The following TAGAP variants were observed in gnomAD, a reference collection of about 807,000 sequenced individuals.
TAGAP encodes T-cell activation Rho GTPase-activating protein.
TAGAP carries 16 observed loss-of-function variants against 36.0 expected under a neutral mutation model. The observed-to-expected ratio is 0.44, with a 90% CI of 0.30 to 0.68. TAGAP has a LOEUF of 0.68. Among genes scored for constraint, TAGAP ranks in the 30% least tolerant of loss-of-function variants. The probability of loss-of-function intolerance (pLI) is 0.09; values close to 1 mark genes in which losing one functional copy is unlikely to be tolerated. For synonymous variants in TAGAP, 372 were observed against 377.4 expected, an observed-to-expected ratio of 0.99 and a Z score of 0.17; for missense variants, 794 against 921.5, an observed-to-expected ratio of 0.86 and a Z score of 1.79.
rs1273861667 is a variant in TAGAP, at chr6:159,039,169, G to A, written c.728C>T (p.Thr243Ile). ...LAICIGPNMLTLENDQSLSFE... is the reference protein window; with the variant it reads ...LAICIGPNMLILENDQSLSFE... ...TGACAGGCTCTGGTCATTCTCCAGG[G>A]TGAGCATGTTGGGTCCAATGCAGAT... Residue 243 changes from threonine (T) to isoleucine (I), a missense_variant, in exon 8 of 10, where the codon ACC becomes ATC. Coordinates refer to ENST00000367066, the MANE Select transcript of TAGAP (RefSeq NM_054114.5). The A allele has an allele frequency of 1.9e-6, 3 of 1,614,042 alleles. No individual in the cohort carries two copies. The highest frequency in any genetic ancestry group is 1.6e-4 in the Middle Eastern group (1 of 6,084).
Position 159,041,956 on chromosome 6 carries a change from G to C in TAGAP, c.315+122C>G. ...GCGTATGTGGGAGTGCCATGTTGAA[G>C]AGTGGAAAATATGGAAGATCAGTCC... is the stretch of plus-strand genomic sequence containing the variant. On this transcript the variant is annotated intron_variant, in intron 5 of 9. Coordinates refer to ENST00000367066, the MANE Select transcript of TAGAP (RefSeq NM_054114.5). This position sits in a 1 kb window ranked among gnomAD's most constrained non-coding sequence, Gnocchi z 4.1. 1 of 1,107,138 alleles carries C rather than the reference G, an allele frequency of 9.0e-7. No individual in the cohort carries two copies. Among genetic ancestry groups the C allele is most frequent in the Non-Finnish European group, 1.3e-6 (1 of 764,586 alleles). 68.6% of individuals were successfully genotyped at this position (1,107,138 alleles called of 1,614,324 possible).
At chr6:159,042,936 A>G (rs1278038135) in intron 4 of TAGAP, 1 of 152,626 alleles carries the variant, frequency 6.6e-6, no homozygotes, top group Non-Finnish European at 1.5e-5. Flanking sequence ...TCCTTCTGAA[A>G]TCCACAAGAT....
At position 159,037,993 on chromosome 6, in the gene TAGAP, GT is replaced by G. The variant is rs1305450763; in HGVS notation, c.898+120del. The stretch of plus-strand genomic sequence containing the variant: ...TGACTTCCTAATGGACTGGAGTCTA[GT>G]CTGACTCGGTGATTTGTGAAGGTAA... On this transcript the variant is annotated intron_variant, in intron 9 of 9. Transcript: ENST00000367066. This position sits in a 1 kb window ranked among gnomAD's most constrained non-coding sequence, Gnocchi z 5.1. The G allele has an allele frequency of 1.2e-5, 8 of 676,804 alleles. No homozygotes were observed. The highest frequency in any genetic ancestry group is 9.4e-5 in the Admixed American group (4 of 42,774). The allele number at this position is 676,804 out of a possible 1,614,324, so 41.9% of individuals were successfully genotyped here. A position where few individuals can be genotyped will look rare whatever the true frequency, so the allele number is the denominator to read the frequency against.
In TAGAP at chr6:159,037,156, G is replaced by T. The variant is rs756082789; in HGVS notation, c.899-32C>A. The T allele has an allele frequency of 6.5e-7, 1 of 1,527,056 alleles. No homozygotes were observed. The highest frequency in any genetic ancestry group is 1.2e-5 in the South Asian group (1 of 81,560). 94.6% of individuals were successfully genotyped at this position (1,527,056 alleles called of 1,614,324 possible). ...GAAGTCAAGCAGCAGTTGAACATTT[G>T]TTTGGGTTTATTTATTTATTTATTT... On this transcript the variant is annotated intron_variant, in intron 9 of 9. Coordinates refer to ENST00000367066, the MANE Select transcript of TAGAP (RefSeq NM_054114.5). The surrounding 1 kb of genome is among the most constrained non-coding windows in gnomAD (Gnocchi z 5.1).
chr6:159,041,781 C>G lies in TAGAP; in HGVS notation c.316-266G>C, dbSNP rs1466780590. On this transcript the variant is annotated intron_variant, in intron 5 of 9. Coordinates refer to ENST00000367066, the MANE Select transcript of TAGAP (RefSeq NM_054114.5). The surrounding 1 kb of genome is among the most constrained non-coding windows in gnomAD (Gnocchi z 4.1). ...ATCACAAAGTCTATATTCTGTTTCC[C>G]CCTTTTGACTTTTCAGAAGCTACAA... 3.7e-6 allele frequency: 2 copies of G among 534,770 alleles called. No homozygotes were observed. The highest frequency in any genetic ancestry group is 1.9e-5 in the African/African-American group (1 of 52,424). The allele number at this position is 534,770 out of a possible 1,614,324, so 33.1% of individuals were successfully genotyped here.
At position 159,037,884 on chromosome 6, in the gene TAGAP, G is replaced by A. The variant is rs548330682; in HGVS notation, c.898+230C>T. Among the ~76,000 whole-genome samples the A allele has an allele frequency of 6.6e-6, 1 of 152,292 alleles. No individual in the cohort carries two copies. The highest frequency in any genetic ancestry group is 2.4e-5 in the African/African-American group (1 of 41,570). On this transcript the variant is annotated intron_variant, in intron 9 of 9. Transcript: ENST00000367066. This position sits in a 1 kb window ranked among gnomAD's most constrained non-coding sequence, Gnocchi z 5.1. The stretch of plus-strand genomic sequence containing the variant: ...CTTAGTGAAATCAGCAGTGATTTGC[G>A]ATGTACACTGGGAAGGGGGAAAGAC...
rs763380333 is a variant in TAGAP at position 159,041,467 on chromosome 6, A to G, written c.364T>C (p.Phe122Leu). The change falls in exon 6 of 10, where the codon TTC becomes CTC. Residue 122 changes from phenylalanine (F) to leucine (L), a missense_variant. Physicochemically the swap from Phe to Leu is conservative, Grantham distance 22. Transcript: ENST00000367066. This position sits in a 1 kb window ranked among gnomAD's most constrained non-coding sequence, Gnocchi z 4.1. ...CLKGPSTEGI[F>L]RRAANEKARK... ...GCTTTCTCGTTGGCTGCTCTCCTGAATATCCCTTCCGTTGAAGGGCCTTTA... is the reference window on the plus strand; with the variant it reads ...GCTTTCTCGTTGGCTGCTCTCCTGAGTATCCCTTCCGTTGAAGGGCCTTTA... The G allele has an allele frequency of 8.1e-6, 13 of 1,614,244 alleles. No individual in the cohort carries two copies. The highest frequency in any genetic ancestry group is 1.1e-5 in the Non-Finnish European group (13 of 1,180,036).
chr6:159,039,644 T>G (rs922119291), intron 7 of TAGAP, among the ~76,000 whole-genome samples: 3 of 152,220 alleles, frequency 2.0e-5, no homozygotes, highest in Admixed American at 2.0e-4. Context: ...TTTTGTTGAG[T>G]AATCATTTAG....
chr6:159,041,531 A>G lies in TAGAP; in HGVS notation c.316-16T>C, dbSNP rs757140872. The G allele has an allele frequency of 4.3e-6, 7 of 1,611,800 alleles. No homozygotes were observed. Among genetic ancestry groups the G allele is most frequent in the East Asian group, 2.2e-5 (1 of 44,850 alleles). ...TGAGAATGTCCTAAAGGAAACAGCA[A>G]TAGGAACAGGAAAGGGTTACCCTTC... On this transcript the variant is annotated splice_polypyrimidine_tract_variant and intron_variant, in intron 5 of 9. Transcript: ENST00000367066. The surrounding 1 kb of genome is among the most constrained non-coding windows in gnomAD (Gnocchi z 4.1).
At position 159,038,149 on chromosome 6, in the gene TAGAP, G is replaced by C. The variant is rs774098883; in HGVS notation, c.863C>G (p.Thr288Ser). ...GENIPVHSSI[T>S]SDDSLEHTDS... ...AGTGTGCTCCAGGGAGTCATCAGAA[G>C]TGATACTGGAATGCACTGGAATGTT... is the stretch of plus-strand genomic sequence containing the variant. The change falls in exon 9 of 10, where the codon ACT becomes AGT. Residue 288 changes from threonine to serine, a missense_variant. Transcript: ENST00000367066. The C allele has an allele frequency of 6.2e-7, 1 of 1,612,540 alleles. No homozygotes were observed. The highest frequency in any genetic ancestry group is 8.5e-7 in the Non-Finnish European group (1 of 1,178,850).
chr6:159,044,150 T>C lies in TAGAP; in HGVS notation c.-4A>G, dbSNP rs1012440340. On this transcript the variant is annotated 5_prime_UTR_variant, in exon 2 of 10. In the 5' UTR this introduces an upstream ATG that the reference lacks. Transcript: ENST00000367066. ...TGTGGCTGCTTCTCAGCTTCATCAG[T>C]ATTGCGGCTGACTGTCCAGGGGTGG... 1.2e-6 allele frequency: 2 copies of C among 1,613,352 alleles called. No individual in the cohort carries two copies. Among genetic ancestry groups the C allele is most frequent in the Admixed American group, 1.7e-5 (1 of 59,712 alleles).
At position 159,036,379 on chromosome 6, in the gene TAGAP, C is replaced by T. The variant is rs1288457484; in HGVS notation, c.1644G>A (p.Gln548=). ...TTTCCTGCACGATTCGGCCGGCAAG[C>T]TGGCTTTCCTTTCTGACACCCCTCG... The part of the protein sequence containing the change: ...HVPRGVRKES[Q]LAGRIVQENG... Residue 548 remains glutamine, a synonymous_variant, in exon 10 of 10, where the codon CAG becomes CAA. Transcript: ENST00000367066. This position sits in a 1 kb window ranked among gnomAD's most constrained non-coding sequence, Gnocchi z 4.9. 1 of 1,614,036 alleles carries T rather than the reference C, an allele frequency of 6.2e-7. No homozygotes were observed. Among genetic ancestry groups the T allele is most frequent in the Non-Finnish European group, 8.5e-7 (1 of 1,180,038 alleles).
rs1779544511 is a variant in TAGAP at position 159,036,580 on chromosome 6, T to C, written c.1443A>G (p.Lys481=). The C allele has an allele frequency of 6.2e-7, 1 of 1,614,136 alleles. No individual in the cohort carries two copies. The highest frequency in any genetic ancestry group is 2.2e-5 in the East Asian group (1 of 44,874). Residue 481 remains lysine (K), a synonymous_variant, in exon 10 of 10, where the codon AAA becomes AAG. Coordinates refer to ENST00000367066, the MANE Select transcript of TAGAP (RefSeq NM_054114.5). This position sits in a 1 kb window ranked among gnomAD's most constrained non-coding sequence, Gnocchi z 4.9. ...SSPVASPSSP[K]RNFFSRHQSF... ...ACTGATGTCTGCTGAAGAAATTTCT[T>C]TTGGGACTGGAAGGAGAAGCCACGG...
intron 8 of TAGAP, among the ~76,000 whole-genome samples, chr6:159,038,670 G>A (rs1195140515): frequency 6.6e-6 from 1 of 152,138 alleles, no homozygotes; most frequent in Non-Finnish European, 1.5e-5. Flanking sequence ...GATTTCAGAC[G>A]TGAGCCACCA....
chr6:159,044,854 G>A (rs1302328747), intron 1 of TAGAP, 25 bp downstream of exon 1: 3 of 398,326 alleles, frequency 7.5e-6, no homozygotes, highest in Non-Finnish European at 1.3e-5. Context: ...TAATTTCTAG[G>A]CATGTTAATA....
intron 3 of TAGAP, 60 bp downstream of exon 3, chr6:159,043,918 A>G: frequency 6.8e-7 from 1 of 1,478,966 alleles, no homozygotes; most frequent in Non-Finnish European, 9.3e-7. Flanking sequence ...TATTCAATTA[A>G]AACAAAGTTT....
intron 4 of TAGAP, among the ~76,000 whole-genome samples, chr6:159,043,214 G>C (rs1007544414): frequency 6.6e-6 from 1 of 152,238 alleles, no homozygotes; most frequent in African/African-American, 2.4e-5. Context: ...TTTGGGATTT[G>C]AGATCAGCAA....
intron 9 of TAGAP, 80 bp downstream of exon 9, chr6:159,038,034 A>G: frequency 1.1e-6 from 1 of 906,058 alleles, no homozygotes; most frequent in African/African-American, 1.7e-5. Flanking sequence ...TGCCTCAAAT[A>G]TCAGAGATGC....
At chr6:159,038,533 C>T (rs905561324) in intron 8 of TAGAP, among the ~76,000 whole-genome samples, 3 of 151,878 alleles carry the variant, frequency 2.0e-5, no homozygotes, top group Non-Finnish European at 2.9e-5. Context: ...GGACTACGGG[C>T]GCCCGCCACC....
Sources: allele counts gnomAD v4.1 joint callset (sites outside exome capture counted in the v4.1 genomes callset), GRCh38; gene constraint gnomAD v4.1.1; non-coding constraint Gnocchi (gnomAD v3.1); transcripts MANE v1.5; gene names NCBI Gene and HGNC (gene_info 2026-07-23, HGNC 2026-07-21).